Variants in JAK1 observed in about 807,000 individuals in gnomAD.
The protein encoded by JAK1 is Janus kinase 1, also known as tyrosine-protein kinase JAK1.
In JAK1, 16 loss-of-function variants were observed where a neutral mutation model predicts 136.6. The ratio of observed to expected loss-of-function variants is 0.12; its 90% CI spans 0.08 to 0.18. The LOEUF is 0.18. Among genes scored for constraint, JAK1 ranks in the 10% least tolerant of loss-of-function variants. The probability of loss-of-function intolerance (pLI) is 1.00; values close to 1 mark genes in which losing one functional copy is unlikely to be tolerated. For synonymous variants in JAK1, 492 were observed against 519.5 expected, an observed-to-expected ratio of 0.95 and a Z score of 0.72; for missense variants, 859 against 1,450.1, an observed-to-expected ratio of 0.59 and a Z score of 6.62.
chr1:65,057,274 T>C (rs1055898313), intron 1 of JAK1, among the ~76,000 whole-genome samples: 1 of 152,232 alleles, frequency 6.6e-6, no homozygotes, highest in African/African-American at 2.4e-5. Flanking sequence ...ACAGTGTCCT[T>C]AGGAGTCTAC....
intron 2 of JAK1, among the ~76,000 whole-genome samples, chr1:65,042,330 C>A (rs1647141473): frequency 6.6e-6 from 1 of 151,866 alleles, no homozygotes; most frequent in South Asian, 2.1e-4. Context: ...AACCAATCTC[C>A]CTCAGATACT....
At chr1:64,927,508 C>T (rs1490535556) in intron 1 of JAK1, among the ~76,000 whole-genome samples, 2 of 152,162 alleles carry the variant, frequency 1.3e-5, no homozygotes, top group African/African-American at 4.8e-5. Context: ...ACAGAAAAGA[C>T]AAACTTCAAA....
At chr1:64,877,055 A>G (rs1182175480) in intron 4 of JAK1, among the ~76,000 whole-genome samples, 2 of 152,210 alleles carry the variant, frequency 1.3e-5, no homozygotes, top group African/African-American at 4.8e-5. Context: ...TATATATATA[A>G]GAGCTTGGTG....
At chr1:65,055,731 C>A (rs1647502528) in intron 1 of JAK1, among the ~76,000 whole-genome samples, 1 of 152,152 alleles carries the variant, frequency 6.6e-6, no homozygotes, top group South Asian at 2.1e-4. Context: ...TTGAAGATGC[C>A]AAAGACCTCC....
chr1:65,024,899 C>A (rs1646965326), intron 2 of JAK1, among the ~76,000 whole-genome samples: 3 of 152,118 alleles, frequency 2.0e-5, no homozygotes, highest in African/African-American at 4.8e-5. Context: ...ATCATTTGAA[C>A]CCGGGAGGTA....
At chr1:65,051,967 G>A (rs775715938) in intron 1 of JAK1, among the ~76,000 whole-genome samples, 7 of 152,024 alleles carry the variant, frequency 4.6e-5, no homozygotes, top group Non-Finnish European at 7.4e-5. Flanking sequence ...TTGCTTATTT[G>A]TTTATTAAGA....
intron 2 of JAK1, among the ~76,000 whole-genome samples, chr1:65,033,955 G>T (rs1160357045): frequency 6.6e-6 from 1 of 152,154 alleles, no homozygotes; most frequent in African/African-American, 2.4e-5. Context: ...ATAAGGAGTA[G>T]ACATAATGTG....
In JAK1 at chr1:64,844,225, AAC is replaced by A; in HGVS notation, c.2252-12_2252-11del. On this transcript the variant is annotated splice_polypyrimidine_tract_variant and intron_variant, in intron 16 of 24. Transcript: ENST00000342505. The surrounding 1 kb of genome is among the most constrained non-coding windows in gnomAD (Gnocchi z 5.7). ...ATTCGTTCAATGCATTCTGGAAGAC[AAC>A]AGACACACTGATGGAGCAGTTTCTG... 6.2e-7 allele frequency: 1 copy of A among 1,614,238 alleles called. No homozygotes were observed. Among genetic ancestry groups the A allele is most frequent in the South Asian group, 1.1e-5 (1 of 91,086 alleles).
At position 64,883,454 on chromosome 1, in the gene JAK1, A is replaced by G. The variant is rs765747182; in HGVS notation, c.28T>C (p.Cys10Arg). 6.2e-7 allele frequency: 1 copy of G among 1,614,036 alleles called. No homozygotes were observed. The highest frequency in any genetic ancestry group is 1.7e-5 in the Admixed American group (1 of 60,008). Residue 10 changes from cysteine (C) to arginine (R), a missense_variant, in exon 3 of 25, where the codon TGC becomes CGC. Physicochemically the swap from Cys to Arg is radical, Grantham distance 180. This residue lies in a region of JAK1 where 353 missense variants were observed against 494.0 expected (regional missense o/e 0.71). Coordinates refer to ENST00000342505, the MANE Select transcript of JAK1 (RefSeq NM_002227.4). MQYLNIKED[C>R]NAMAFCAKMR... ...TTAGCACAGAAAGCCATGGCATTGC[A>G]GTCCTCTTTTATATTTAGATACTGT...
chr1:65,057,293 G>A (rs895717006), intron 1 of JAK1, among the ~76,000 whole-genome samples: 2 of 152,194 alleles, frequency 1.3e-5, no homozygotes, highest in Admixed American at 1.3e-4. Context: ...ACAGGGAAGA[G>A]GGATAATTGG....
chr1:64,860,280 A>C lies in JAK1; in HGVS notation c.1177-18T>G. ...TTCAGTTCCTGTTGAGAGAGAAGAAATTCCCACGGTTACATCATGTCTCTA... is the reference window on the plus strand; with the variant it reads ...TTCAGTTCCTGTTGAGAGAGAAGAACTTCCCACGGTTACATCATGTCTCTA... On this transcript the variant is annotated intron_variant, in intron 8 of 24. Transcript: ENST00000342505. 1 of 1,591,398 alleles carries C rather than the reference A, an allele frequency of 6.3e-7. No homozygotes were observed. The highest frequency in any genetic ancestry group is 8.6e-7 in the Non-Finnish European group (1 of 1,166,672).
chr1:64,948,852 A>G (rs530894219), intron 1 of JAK1, among the ~76,000 whole-genome samples: 3 of 152,364 alleles, frequency 2.0e-5, no homozygotes, highest in Admixed American at 1.3e-4. Flanking sequence ...GTGGCAGCCC[A>G]GAATGTTAAT....
upstream of JAK1, chr1:64,966,561 T>TCCCGC (rs917903852): frequency 6.9e-3 from 950 of 138,378 alleles, 12 homozygotes; most frequent in African/African-American, 0.024. Flanking sequence ...CCGCCTCCCG[T>TCCCGC]CCCGCCCCGC....
intron 1 of JAK1, among the ~76,000 whole-genome samples, chr1:64,943,838 A>T (rs993572333): frequency 1.5e-3 from 1 of 678 alleles, no homozygotes; most frequent in Non-Finnish European, 0.042. Context: ...TTAATAAATA[A>T]AAAAAAAAAA....
intron 2 of JAK1, among the ~76,000 whole-genome samples, chr1:64,974,896 T>C (rs1203000018): frequency 5.3e-5 from 8 of 151,812 alleles, no homozygotes; most frequent in African/African-American, 1.9e-4. Context: ...TGTTTGTTTG[T>C]TTTGTTTTGT....
chr1:64,859,903 T>C (rs148286820), intron 9 of JAK1: 148 of 406,560 alleles, frequency 3.6e-4, no homozygotes, highest in African/African-American at 2.6e-3. Flanking sequence ...AGAAGCAGCA[T>C]TGAGGGGCTG....
intron 22 of JAK1, among the ~76,000 whole-genome samples, 199 bp downstream of exon 22, chr1:64,837,733 T>C (rs1313175842): frequency 6.6e-6 from 1 of 152,242 alleles, no homozygotes. Context: ...CAGTCATTTA[T>C]ATAGGCTGCT....
At chr1:65,000,561 C>G (rs75015140) in intron 2 of JAK1, among the ~76,000 whole-genome samples, 1 of 151,810 alleles carries the variant, frequency 6.6e-6, no homozygotes, top group South Asian at 2.1e-4. Flanking sequence ...AGCAATACTT[C>G]CGGACACAAT....
At chr1:65,031,107 T>C (rs554092437) in intron 2 of JAK1, among the ~76,000 whole-genome samples, 1 of 127,346 alleles carries the variant, frequency 7.9e-6, no homozygotes, top group East Asian at 2.4e-4. Context: ...TGAGCCGAAA[T>C]CAAGTCACTA....
Sources: gnomAD v4.1 joint callset for allele counts (sites outside exome capture counted in the v4.1 genomes callset) on GRCh38, gnomAD v4.1.1 for gene constraint, gnomAD v4.1.1 regional missense constraint, Gnocchi (gnomAD v3.1) non-coding constraint, MANE v1.5 for transcripts, NCBI Gene and HGNC (gene_info 2026-07-23, HGNC 2026-07-21) for gene names.